The following RTN4 variants were observed in gnomAD, a reference collection of about 807,000 sequenced individuals.
The protein encoded by RTN4 is reticulon 4, also known as reticulon-4.
A neutral mutation model predicts 90.4 loss-of-function variants in RTN4; 32 were observed. The observed-to-expected ratio is 0.35, with a 90% CI of 0.27 to 0.48. The LOEUF (loss-of-function observed/expected upper bound fraction) is 0.48. Among genes scored for constraint, RTN4 ranks in the 20% least tolerant of loss-of-function variants. The pLI is 0.99. For synonymous variants in RTN4, 629 were observed against 552.5 expected (o/e 1.14, Z -1.94); for missense variants, 1,706 against 1,430.2 (o/e 1.19, Z -3.11).
intron 1 of RTN4, chr2:55,049,285 G>T: frequency 6.6e-6 from 3 of 457,076 alleles, no homozygotes; most frequent in South Asian, 8.4e-5. Flanking sequence ...CAGACCCGCA[G>T]CAAAACTGCA....
At chr2:55,018,022 A>G (rs1681167112) in intron 3 of RTN4, among the ~76,000 whole-genome samples, 1 of 152,230 alleles carries the variant, frequency 6.6e-6, no homozygotes, top group Middle Eastern at 3.2e-3. Context: ...CAACTAATAC[A>G]AATAAGAAGT....
chr2:55,010,103 T>C, intron 3 of RTN4: 1 of 1,613,704 alleles, frequency 6.2e-7, no homozygotes, highest in Non-Finnish European at 8.5e-7. Context: ...CCTTCCAATT[T>C]TTCTTCTGAC....
intron 3 of RTN4, among the ~76,000 whole-genome samples, chr2:54,996,397 A>G (rs936104423): frequency 1.3e-5 from 2 of 152,234 alleles, no homozygotes; most frequent in Admixed American, 6.5e-5. Flanking sequence ...GAAAAAGTAC[A>G]ACAAAGGTTG....
Position 55,047,838 on chromosome 2 carries a change from A to G in RTN4, c.556+1907T>C, listed in dbSNP as rs115388091. Among the ~76,000 whole-genome samples, 50 of 152,348 alleles carry G rather than the reference A, an allele frequency of 3.3e-4. 1 individual carries two copies. Among genetic ancestry groups the G allele is most frequent in the African/African-American group, 1.1e-3 (44 of 41,580 alleles). On this transcript the variant is annotated intron_variant, in intron 1 of 8. Coordinates refer to ENST00000337526, the MANE Select transcript of RTN4 (RefSeq NM_020532.5). Reference sequence around the variant, plus strand: ...TTCCCAAGATGAAAACGGCAATAAAACAACGTGACTAATAATAACATACAA... The same window carrying G: ...TTCCCAAGATGAAAACGGCAATAAAGCAACGTGACTAATAATAACATACAA...
the RTN4 span, among the ~76,000 whole-genome samples, chr2:55,123,040 TCCACAGACTTAGAAATA>T: frequency 2.6e-5 from 4 of 152,130 alleles, no homozygotes; most frequent in Admixed American, 2.0e-4. Context: ...AAATCCAATA[TCCACAGACTTAGAAATA>T]GAAATTAAAT....
intron 2 of RTN4, among the ~76,000 whole-genome samples, chr2:55,067,572 C>T (rs1045772843): frequency 6.6e-6 from 1 of 152,054 alleles, no homozygotes; most frequent in African/African-American, 2.4e-5. Context: ...GCCACCACAC[C>T]GAGCTAATTT....
the RTN4 span, among the ~76,000 whole-genome samples, chr2:55,135,745 C>T: frequency 6.6e-6 from 1 of 152,110 alleles, no homozygotes; most frequent in Non-Finnish European, 1.5e-5. Context: ...TCCTGCCAAT[C>T]CCCCATCCCT....
chr2:55,049,146 G>A, intron 1 of RTN4: 1 of 985,856 alleles, frequency 1.0e-6, no homozygotes, highest in Non-Finnish European at 1.2e-6. Flanking sequence ...CACTGCGGTT[G>A]GGTCAATGTG....
chr2:55,016,142 A>T (rs1406477740), intron 3 of RTN4, among the ~76,000 whole-genome samples: 1 of 152,228 alleles, frequency 6.6e-6, no homozygotes, highest in Non-Finnish European at 1.5e-5. Flanking sequence ...CATACTAAGG[A>T]ACACTAAGTA....
chr2:54,977,674 G>C (rs1281496977), intron 5 of RTN4, among the ~76,000 whole-genome samples: 4 of 152,092 alleles, frequency 2.6e-5, no homozygotes, highest in African/African-American at 9.7e-5. Context: ...CGGGTGGGAA[G>C]CGAGGGGAGG....
chr2:55,074,859 C>T (rs1219146937), intron 2 of RTN4, among the ~76,000 whole-genome samples: 2 of 152,186 alleles, frequency 1.3e-5, no homozygotes, highest in African/African-American at 2.4e-5. Flanking sequence ...GCAGAAAAAG[C>T]ATTTCACAAA....
chr2:55,005,989 T>C (rs1680192381), intron 3 of RTN4, among the ~76,000 whole-genome samples: 1 of 152,160 alleles, frequency 6.6e-6, no homozygotes, highest in Non-Finnish European at 1.5e-5. Flanking sequence ...AACCTGTACT[T>C]GCAAACTTTA....
intron 2 of RTN4, among the ~76,000 whole-genome samples, chr2:55,068,722 G>T: frequency 6.6e-6 from 1 of 150,810 alleles, no homozygotes; most frequent in South Asian, 2.1e-4. Flanking sequence ...TCAAATAATT[G>T]CATAAATGAT....
chr2:55,125,446 G>A, the RTN4 span, among the ~76,000 whole-genome samples: 4,782 of 152,272 alleles, frequency 0.031, 243 homozygotes, highest in African/African-American at 0.1. Flanking sequence ...AAAAGTGGGC[G>A]AAGGAAATGA....
chr2:55,130,121 C>T, the RTN4 span, among the ~76,000 whole-genome samples: 4 of 152,136 alleles, frequency 2.6e-5, no homozygotes, highest in Non-Finnish European at 5.9e-5. Context: ...CTAGTAAAGG[C>T]ATGGCTTAAT....
chr2:55,047,223 G>T (rs959057222), intron 1 of RTN4, among the ~76,000 whole-genome samples: 6 of 151,754 alleles, frequency 4.0e-5, no homozygotes, highest in African/African-American at 1.5e-4. Context: ...CCAGCTACTC[G>T]GGAGGCTGAG....
chr2:55,012,144 A>G (rs1680689788), intron 3 of RTN4, among the ~76,000 whole-genome samples: 1 of 152,360 alleles, frequency 6.6e-6, no homozygotes, highest in Non-Finnish European at 1.5e-5. Flanking sequence ...GTAGAAGAAA[A>G]AAGTTTTACT....
chr2:55,025,584 C>G lies in RTN4; in HGVS notation c.2515G>C (p.Val839Leu). 1 of 1,613,684 alleles carries G rather than the reference C, an allele frequency of 6.2e-7. No individual in the cohort carries two copies. The highest frequency in any genetic ancestry group is 8.5e-7 in the Non-Finnish European group (1 of 1,179,832). Residue 839 changes from valine to leucine, a missense_variant, in exon 3 of 9, where the codon GTT becomes CTT. Val to Leu is a conservative substitution (Grantham distance 32). Coordinates refer to ENST00000337526, the MANE Select transcript of RTN4 (RefSeq NM_020532.5). ...ATAAATAAGTCATCATTTGAATAAA[C>G]TGCAGTACTGAGCTCCTCCATCTGC... ...PLQMEELSTAVYSNDDLFISK... is the reference protein window; with the variant it reads ...PLQMEELSTALYSNDDLFISK...
At chr2:54,999,213 A>G (rs1420453388) in intron 3 of RTN4, among the ~76,000 whole-genome samples, 3 of 152,244 alleles carry the variant, frequency 2.0e-5, no homozygotes, top group Non-Finnish European at 4.4e-5. Context: ...TAAAATTTTA[A>G]TTCAAAATAA....
Sources: gnomAD v4.1 joint callset for allele counts (sites outside exome capture counted in the v4.1 genomes callset) on GRCh38, gnomAD v4.1.1 for gene constraint, MANE v1.5 for transcripts, NCBI Gene and HGNC (gene_info 2026-07-23, HGNC 2026-07-21) for gene names.